The following DNAH5 variants were observed in gnomAD, a reference collection of about 807,000 sequenced individuals.
The protein encoded by DNAH5 is axonemal beta dynein heavy chain 5.
In DNAH5, 372 loss-of-function variants were observed where a neutral mutation model predicts 518.2. That is an observed-to-expected ratio of 0.72 (90% CI 0.66 to 0.78). DNAH5 has a LOEUF of 0.78. Among genes scored for constraint, DNAH5 ranks in the 30% least tolerant of loss-of-function variants. The probability of loss-of-function intolerance (pLI) is 0.00; values close to 1 mark genes in which losing one functional copy is unlikely to be tolerated. For synonymous variants in DNAH5, 2,039 were observed against 2,025.9 expected (o/e 1.01, Z -0.17); for missense variants, 5,523 against 5,687.0 (o/e 0.97, Z 0.93).
chr5:13,810,171 G>C lies in DNAH5; in HGVS notation c.7497C>G (p.Asp2499Glu), dbSNP rs891659169. 6.5e-7 allele frequency: 1 copy of C among 1,548,774 alleles called. No individual in the cohort carries two copies. The highest frequency in any genetic ancestry group is 8.7e-7 in the Non-Finnish European group (1 of 1,145,916). ...LWSAGAALEL[D>E]GRRRLELWLR... is the part of the protein sequence containing the mutation. ...GCCAGAGCTCCAGGCGGCGCCGTCC[G>C]TCCAGCTCCAGCGCCGCCCCCGCGC... Residue 2499 changes from aspartate to glutamate, a missense_variant, in exon 45 of 79, where the codon GAC (aspartate) becomes GAG (glutamate). Physicochemically the swap from Asp to Glu is conservative, Grantham distance 45. Transcript: ENST00000265104.
intron 44 of DNAH5, 85 bp downstream of exon 44, chr5:13,811,562 T>G: frequency 1.5e-6 from 2 of 1,334,508 alleles, no homozygotes; most frequent in Non-Finnish European, 2.2e-6. Context: ...CATGGCTACA[T>G]TAATAAGAGA....
chr5:13,942,010 T>C (rs530524263), intron 1 of DNAH5, among the ~76,000 whole-genome samples: 29 of 152,210 alleles, frequency 1.9e-4, no homozygotes, highest in Non-Finnish European at 4.0e-4. Flanking sequence ...AGTCTGGAAT[T>C]CATGTCCGTC....
chr5:13,985,811 G>A (rs1783014778), intron 1 of DNAH5, among the ~76,000 whole-genome samples: 2 of 152,120 alleles, frequency 1.3e-5, no homozygotes, highest in Admixed American at 1.3e-4. Flanking sequence ...GTTAACAACA[G>A]GATGCCCATG....
chr5:13,694,540 G>C (rs1319392395), intron 78 of DNAH5, among the ~76,000 whole-genome samples: 2 of 152,166 alleles, frequency 1.3e-5, no homozygotes, highest in Non-Finnish European at 2.9e-5. Context: ...AGAGAGAAGA[G>C]GTTGTGCAAA....
rs1051883352 is a variant in DNAH5 at position 13,928,176 on chromosome 5, A to T, written c.195T>A (p.Ile65=). Reference sequence around the variant, plus strand: ...CAGCAAAAAGTTGATCAATTCTTTCAATCTGGGAAAAAGAAAAAGGCAAGA... The same window carrying T: ...CAGCAAAAAGTTGATCAATTCTTTCTATCTGGGAAAAAGAAAAAGGCAAGA... ...VEDAILEGNQ[I]ERIDQLFAVG... is the part of the protein sequence containing the mutation. The change falls in exon 3 of 79, where the codon ATT becomes ATA. Residue 65 remains isoleucine, a splice_region_variant and synonymous_variant. Transcript: ENST00000265104. The T allele has an allele frequency of 2.5e-6, 4 of 1,611,948 alleles. No homozygotes were observed. Among genetic ancestry groups the T allele is most frequent in the Non-Finnish European group, 2.5e-6 (3 of 1,178,058 alleles).
In DNAH5 at chr5:13,766,862, T is replaced by A. The variant is rs144937725; in HGVS notation, c.9898-683A>T. 4.5e-3 allele frequency among the ~76,000 whole-genome samples: 683 copies of A among 152,314 alleles called. 4 individuals carry two copies. The highest frequency in any genetic ancestry group is 0.01 in the Middle Eastern group (3 of 294). The stretch of plus-strand genomic sequence containing the variant: ...CACCTAAAACTCACTATGGAATAAG[T>A]ATTGAAAAAGTGTTAAATGTAAGAA... On this transcript the variant is annotated intron_variant, in intron 58 of 78. Transcript: ENST00000265104.
At chr5:13,713,188 CA>C (rs1430761334) in intron 75 of DNAH5, among the ~76,000 whole-genome samples, 1 of 141,082 alleles carries the variant, frequency 7.1e-6, no homozygotes, top group Non-Finnish European at 1.5e-5. Context: ...TATATACGGA[CA>C]TATATATGTA....
chr5:13,769,496 C>T lies in DNAH5; in HGVS notation c.9720+5G>A, dbSNP rs763440781. ...AATGTGGCACATGTGTAAATGCCCA[C>T]CCACCATGTCGGCTTTATCGTTGGC... On this transcript the variant is annotated splice_donor_5th_base_variant and intron_variant, in intron 57 of 78. Coordinates refer to ENST00000265104, the MANE Select transcript of DNAH5 (RefSeq NM_001369.3). 50 of 1,612,054 alleles carry T rather than the reference C, an allele frequency of 3.1e-5. No homozygotes were observed. The highest frequency in any genetic ancestry group is 3.9e-5 in the Non-Finnish European group (46 of 1,178,272).
At chr5:13,716,064 C>T (rs1208779587) in intron 74 of DNAH5, among the ~76,000 whole-genome samples, 3 of 152,196 alleles carry the variant, frequency 2.0e-5, no homozygotes, top group Non-Finnish European at 4.4e-5. Flanking sequence ...GGTTAAGGAA[C>T]AGATGTCATG....
chr5:13,885,230 T>A lies in DNAH5; in HGVS notation c.2744-2A>T, dbSNP rs780757700. 6.2e-7 allele frequency: 1 copy of A among 1,613,990 alleles called. No individual in the cohort carries two copies. The highest frequency in any genetic ancestry group is 1.7e-5 in the Admixed American group (1 of 60,024). Reference sequence around the variant, plus strand: ...CAAAATTTCCTTCTTCTCTTTTTGCTGTTACAAGATGAAAGAGATAGAGAT... The same window carrying A: ...CAAAATTTCCTTCTTCTCTTTTTGCAGTTACAAGATGAAAGAGATAGAGAT... On this transcript the variant is annotated splice_acceptor_variant, in intron 18 of 78. Coordinates refer to ENST00000265104, the MANE Select transcript of DNAH5 (RefSeq NM_001369.3). LOFTEE classifies it high-confidence loss of function.
intron 46 of DNAH5, among the ~76,000 whole-genome samples, chr5:13,807,929 A>G (rs903186526): frequency 6.6e-6 from 1 of 152,092 alleles, no homozygotes; most frequent in Non-Finnish European, 1.5e-5. Context: ...TCGTGTCCTT[A>G]TAAGAAGAAG....
chr5:14,009,729 C>T (rs1341988882), intron 1 of DNAH5, among the ~76,000 whole-genome samples: 1 of 152,154 alleles, frequency 6.6e-6, no homozygotes, highest in Non-Finnish European at 1.5e-5. Context: ...CACCTTCCAC[C>T]ATACTTCCAG....
intron 51 of DNAH5, among the ~76,000 whole-genome samples, chr5:13,787,519 C>T (rs1224612473): frequency 6.6e-6 from 1 of 152,162 alleles, no homozygotes; most frequent in Non-Finnish European, 1.5e-5. Context: ...TCACAATTCT[C>T]ATAAATGCCC....
chr5:13,790,379 G>A (rs745451217), intron 50 of DNAH5, among the ~76,000 whole-genome samples: 2 of 152,156 alleles, frequency 1.3e-5, no homozygotes, highest in Non-Finnish European at 2.9e-5. Flanking sequence ...AAAAAAGAAT[G>A]AGATCATGTC....
At chr5:13,792,717 T>C (rs1356173526) in intron 49 of DNAH5, among the ~76,000 whole-genome samples, 3 of 152,222 alleles carry the variant, frequency 2.0e-5, no homozygotes, top group Non-Finnish European at 4.4e-5. Flanking sequence ...AATTCCAATG[T>C]CTGTTGGTTT....
intron 1 of DNAH5, among the ~76,000 whole-genome samples, chr5:14,003,841 T>A (rs1784531292): frequency 6.6e-6 from 1 of 152,176 alleles, no homozygotes; most frequent in Non-Finnish European, 1.5e-5. Context: ...AGGCCCAAAG[T>A]GACCCATGTG....
At chr5:13,944,156 G>A (rs568363359) in intron 1 of DNAH5, among the ~76,000 whole-genome samples, 3 of 152,298 alleles carry the variant, frequency 2.0e-5, no homozygotes, top group South Asian at 2.1e-4. Flanking sequence ...TTCTAGGTGC[G>A]TAGTTTAAGC....
At chr5:13,831,827 T>G (rs916351782) in intron 35 of DNAH5, among the ~76,000 whole-genome samples, 2 of 152,188 alleles carry the variant, frequency 1.3e-5, no homozygotes, top group Non-Finnish European at 2.9e-5. Context: ...CACCACAGTG[T>G]GCTCCACATG....
rs1445485812 is a variant in DNAH5, at chr5:13,716,706, G to A, written c.12706-16C>T. 7 of 1,564,282 alleles carry A rather than the reference G, an allele frequency of 4.5e-6. No individual in the cohort carries two copies. The highest frequency in any genetic ancestry group is 1.4e-5 in the African/African-American group (1 of 73,838). On this transcript the variant is annotated splice_polypyrimidine_tract_variant and intron_variant, in intron 73 of 78. Transcript: ENST00000265104. ...AGGAGACACCCTGGGAAATTTTATAGAATAATTATGTAGAACTGACTACCG... is the reference window on the plus strand; with the variant it reads ...AGGAGACACCCTGGGAAATTTTATAAAATAATTATGTAGAACTGACTACCG...
Sources: gnomAD v4.1 joint callset for allele counts (sites outside exome capture counted in the v4.1 genomes callset) on GRCh38, gnomAD v4.1.1 for gene constraint, MANE v1.5 for transcripts, NCBI Gene and HGNC (gene_info 2026-07-23, HGNC 2026-07-21) for gene names.